Variants in RBFOX1 observed in about 807,000 individuals in gnomAD.
RBFOX1 encodes RNA binding fox-1 homolog 1, also known as RNA binding protein fox-1 homolog 1.
RBFOX1 carries 8 observed loss-of-function variants against 57.7 expected under a neutral mutation model. The observed-to-expected ratio is 0.14, with a 90% CI of 0.08 to 0.25. RBFOX1 has a LOEUF of 0.25. Ranked by LOEUF, RBFOX1 falls within the 10% of genes least tolerant of loss-of-function variation. The pLI, the probability that RBFOX1 is intolerant of heterozygous loss-of-function variation, is 1.00. For missense variants in RBFOX1, 611 were observed against 548.5 expected, an observed-to-expected ratio of 1.11 and a Z score of -1.14; for synonymous variants, 326 against 222.4, an observed-to-expected ratio of 1.47 and a Z score of -4.15.
chr16:7,213,247 CT>C lies in RBFOX1; in HGVS notation c.27+161152del, dbSNP rs557792465. 1.8e-3 allele frequency among the ~76,000 whole-genome samples: 272 copies of C among 152,234 alleles called. 1 individual carries two copies. The highest frequency in any genetic ancestry group is 6.4e-3 in the African/African-American group (265 of 41,542). The stretch of plus-strand genomic sequence containing the variant: ...AACAATGAGGCATCAGTTTTTCCCC[CT>C]TTATCAGTGGTTCCCCATTCTGGCT... On this transcript the variant is annotated intron_variant, in intron 4 of 15. Coordinates refer to ENST00000550418, the MANE Select transcript of RBFOX1 (RefSeq NM_018723.4).
chr16:7,380,033 A>C (rs573717382), intron 4 of RBFOX1, among the ~76,000 whole-genome samples: 2 of 152,220 alleles, frequency 1.3e-5, no homozygotes, highest in African/African-American at 4.8e-5. Flanking sequence ...TTTTAAAGAA[A>C]ATTTTTAGAG....
chr16:6,104,885 G>T (rs550260239), intron 1 of RBFOX1, among the ~76,000 whole-genome samples: 22 of 152,280 alleles, frequency 1.4e-4, no homozygotes, highest in Non-Finnish European at 2.5e-4. Flanking sequence ...TCCAGAAAAG[G>T]CAAACCTAAC....
chr16:5,347,190 T>C (rs916309081), intron 1 of RBFOX1, among the ~76,000 whole-genome samples: 2 of 152,204 alleles, frequency 1.3e-5, no homozygotes, highest in Non-Finnish European at 2.9e-5. Context: ...TCATCTTATA[T>C]ACTATATGTT....
chr16:5,240,721 CT>C (rs1221193427), intron 1 of RBFOX1, among the ~76,000 whole-genome samples: 2 of 152,220 alleles, frequency 1.3e-5, no homozygotes, highest in Admixed American at 6.5e-5. Flanking sequence ...CCTTGCATCC[CT>C]CGGGGCGCTG....
chr16:6,199,172 C>G (rs1008069762), intron 1 of RBFOX1, among the ~76,000 whole-genome samples: 1 of 152,122 alleles, frequency 6.6e-6, no homozygotes, highest in Non-Finnish European at 1.5e-5. Flanking sequence ...AGTTTCATCA[C>G]AGATCTCTTA....
intron 1 of RBFOX1, among the ~76,000 whole-genome samples, chr16:6,177,079 A>C (rs138141280): frequency 6.6e-6 from 1 of 152,296 alleles, no homozygotes; most frequent in Non-Finnish European, 1.5e-5. Flanking sequence ...CATTTAAAAA[A>C]CTGAGGAATA....
At position 6,727,284 on chromosome 16, in the gene RBFOX1, G is replaced by A. The variant is rs1449965472; in HGVS notation, c.-16+72634G>A. 2.6e-5 allele frequency among the ~76,000 whole-genome samples: 4 copies of A among 151,794 alleles called. No individual in the cohort carries two copies. The East Asian group carries it at 7.8e-4, about 29-fold the overall frequency. On this transcript the variant is annotated intron_variant, in intron 3 of 15. Transcript: ENST00000550418. ...ATAATAGGTTAATGTAAAATTAATT[G>A]CGTTTTTTGCCATTTCTTTCAGTAG...
At chr16:6,492,117 A>T (rs369940447) in intron 2 of RBFOX1, among the ~76,000 whole-genome samples, 2 of 151,442 alleles carry the variant, frequency 1.3e-5, no homozygotes, top group African/African-American at 4.8e-5. Context: ...AGTATATGAA[A>T]GTGTGTGTGT....
In RBFOX1 at chr16:5,261,636, G is replaced by T. The variant is rs370113720; in HGVS notation, c.219+21531G>T. 2.8e-4 allele frequency among the ~76,000 whole-genome samples: 40 copies of T among 142,346 alleles called. No individual in the cohort carries two copies. The East Asian group carries it at 7.7e-3, about 27-fold the overall frequency. The allele number at this position is 142,346 out of a possible 152,430, so 93.4% of individuals were successfully genotyped here. Reference sequence around the variant, plus strand: ...GTGATCCCAGCTCACTGCAAGCTCCGCCTCCCGGGTTCATGCCATTCTTCT... The same window carrying T: ...GTGATCCCAGCTCACTGCAAGCTCCTCCTCCCGGGTTCATGCCATTCTTCT... On this transcript the variant is annotated intron_variant, in intron 1 of 2. Coordinates refer to the RBFOX1 transcript ENST00000585867.
At chr16:7,240,850 G>A (rs935614566) in intron 4 of RBFOX1, among the ~76,000 whole-genome samples, 1 of 152,162 alleles carries the variant, frequency 6.6e-6, no homozygotes, top group Non-Finnish European at 1.5e-5. Flanking sequence ...GATTACAGGC[G>A]TGAGCCGCTG....
intron 4 of RBFOX1, among the ~76,000 whole-genome samples, chr16:7,462,744 A>G (rs1476613607): frequency 2.0e-5 from 3 of 152,226 alleles, no homozygotes; most frequent in Non-Finnish European, 4.4e-5. Context: ...GCTGGCTGTC[A>G]GCAGGGAGAT....
intron 4 of RBFOX1, among the ~76,000 whole-genome samples, chr16:6,005,112 T>G (rs1370337779): frequency 6.6e-6 from 1 of 152,222 alleles, no homozygotes; most frequent in Non-Finnish European, 1.5e-5. Context: ...GTCCATTTCT[T>G]AATACCAGGA....
intron 1 of RBFOX1, among the ~76,000 whole-genome samples, chr16:5,433,414 C>T (rs1221880658): frequency 6.6e-6 from 1 of 152,094 alleles, no homozygotes; most frequent in Non-Finnish European, 1.5e-5. Flanking sequence ...GTCACTCTGG[C>T]CAGTTGTAGC....
intron 4 of RBFOX1, among the ~76,000 whole-genome samples, chr16:7,461,129 G>A (rs536185636): frequency 2.6e-5 from 4 of 152,018 alleles, no homozygotes; most frequent in Admixed American, 1.3e-4. Context: ...TATATTTCAC[G>A]TGGTTGATAA....
At chr16:6,150,821 G>A (rs1004375690) in intron 1 of RBFOX1, among the ~76,000 whole-genome samples, 1 of 152,158 alleles carries the variant, frequency 6.6e-6, no homozygotes, top group Non-Finnish European at 1.5e-5. Flanking sequence ...TTGAATGAAT[G>A]AATGAGCCAG....
chr16:5,333,674 A>G (rs1025142458), intron 1 of RBFOX1, among the ~76,000 whole-genome samples: 5 of 152,194 alleles, frequency 3.3e-5, no homozygotes, highest in African/African-American at 1.2e-4. Flanking sequence ...GATTTTGTCA[A>G]TGTAAGAACA....
chr16:6,631,291 G>T (rs1173131760), intron 2 of RBFOX1, among the ~76,000 whole-genome samples: 1 of 152,100 alleles, frequency 6.6e-6, no homozygotes, highest in Non-Finnish European at 1.5e-5. Flanking sequence ...GAGTGTGTGT[G>T]TGTGTACGAG....
intron 2 of RBFOX1, among the ~76,000 whole-genome samples, chr16:6,318,008 G>A (rs1470254837): frequency 6.6e-6 from 1 of 152,154 alleles, no homozygotes; most frequent in Non-Finnish European, 1.5e-5. Flanking sequence ...TAGAATTGGA[G>A]GACATGGGAC....
chr16:6,776,186 C>T (rs1443827555), intron 3 of RBFOX1, among the ~76,000 whole-genome samples: 1 of 151,982 alleles, frequency 6.6e-6, no homozygotes. Context: ...CCAGTGCAGA[C>T]AGATCACTAG....
Sources: gnomAD v4.1 joint callset for allele counts (sites outside exome capture counted in the v4.1 genomes callset) on GRCh38, gnomAD v4.1.1 for gene constraint, MANE v1.5 for transcripts, NCBI Gene and HGNC (gene_info 2026-07-23, HGNC 2026-07-21) for gene names.